Variants in PCDH15 observed in about 807,000 individuals in gnomAD.
PCDH15 encodes the protein protocadherin related 15.
PCDH15 carries 129 observed loss-of-function variants against 178.5 expected under a neutral mutation model. The ratio of observed to expected loss-of-function variants is 0.72; its 90% CI spans 0.63 to 0.84. The LOEUF (loss-of-function observed/expected upper bound fraction) is 0.84. Ranked by LOEUF, PCDH15 falls within the 40% of genes least tolerant of loss-of-function variation. The pLI, the probability that PCDH15 is intolerant of heterozygous loss-of-function variation, is 0.00. For missense variants in PCDH15, 2,230 were observed against 2,099.9 expected, an observed-to-expected ratio of 1.06 and a Z score of -1.21; for synonymous variants, 800 against 732.0, an observed-to-expected ratio of 1.09 and a Z score of -1.50.
intron 2 of PCDH15, among the ~76,000 whole-genome samples, chr10:55,407,300 A>G (rs1838222546): frequency 6.6e-6 from 1 of 152,164 alleles, no homozygotes; most frequent in Non-Finnish European, 1.5e-5. Flanking sequence ...ATGATGTACA[A>G]GAAAAAGAGT....
chr10:53,824,579 A>T (rs2076545923), intron 32 of PCDH15, among the ~76,000 whole-genome samples: 1 of 152,186 alleles, frequency 6.6e-6, no homozygotes, highest in Non-Finnish European at 1.5e-5. Context: ...CTGGAGCATC[A>T]AGCCTACTTG....
chr10:54,395,220 C>A (rs367732235), intron 3 of PCDH15, among the ~76,000 whole-genome samples: 2 of 152,134 alleles, frequency 1.3e-5, no homozygotes, highest in African/African-American at 4.8e-5. Context: ...TTAGAGACTG[C>A]AGTAAAGACA....
intron 18 of PCDH15, among the ~76,000 whole-genome samples, chr10:54,053,533 T>C (rs892544962): frequency 1.3e-5 from 2 of 152,138 alleles, no homozygotes; most frequent in Non-Finnish European, 2.9e-5. Context: ...ACACCGAGGG[T>C]ATAGGAAAGT....
chr10:54,836,004 G>A (rs117691863), intron 3 of PCDH15, among the ~76,000 whole-genome samples: 451 of 152,156 alleles, frequency 3.0e-3, no homozygotes, highest in Non-Finnish European at 4.9e-3. Context: ...ATTGTCATAC[G>A]TTTTAAAGAA....
chr10:55,622,105 TTA>T (rs1419437966), intron 2 of PCDH15, among the ~76,000 whole-genome samples: 1 of 66,002 alleles, frequency 1.5e-5, no homozygotes, highest in African/African-American at 5.7e-5. Flanking sequence ...TGTATATATA[TTA>T]TATATATCTA....
chr10:55,440,778 G>A (rs948643247), intron 2 of PCDH15, among the ~76,000 whole-genome samples: 1 of 152,084 alleles, frequency 6.6e-6, no homozygotes, highest in Admixed American at 6.6e-5. Flanking sequence ...AATTTATAAA[G>A]AAAAAGTGGT....
chr10:55,531,936 T>C (rs572075745), intron 2 of PCDH15, among the ~76,000 whole-genome samples: 6 of 152,004 alleles, frequency 3.9e-5, no homozygotes, highest in Non-Finnish European at 8.8e-5. Flanking sequence ...AAAGCAGAAG[T>C]AGCAGAAAAA....
At chr10:55,417,546 C>A (rs188749861) in intron 2 of PCDH15, among the ~76,000 whole-genome samples, 68 of 151,440 alleles carry the variant, frequency 4.5e-4, no homozygotes, top group African/African-American at 1.5e-3. Flanking sequence ...AAGAAAAAAT[C>A]TTTTATTTTA....
In PCDH15 at chr10:55,456,691, C is replaced by A. The variant is rs114724755; in HGVS notation, c.-156+170934G>T. Among the ~76,000 whole-genome samples the A allele has an allele frequency of 4.7e-3, 717 of 151,816 alleles. 7 individuals are homozygous for A. The highest frequency in any genetic ancestry group is 0.016 in the African/African-American group (681 of 41,446). ...ACCTAAAACTTTTATTGGATAAGGA[C>A]TGAATTATGTAAGAATCATAAATTT... On this transcript the variant is annotated intron_variant, in intron 2 of 5. Transcript: ENST00000613346.
chr10:53,814,731 C>T (rs1259394147), intron 35 of PCDH15, among the ~76,000 whole-genome samples: 2 of 151,894 alleles, frequency 1.3e-5, no homozygotes, highest in African/African-American at 4.8e-5. Flanking sequence ...TTTGGGAGGC[C>T]GAGGTGGGCG....
At chr10:53,895,544 C>A in intron 26 of PCDH15, among the ~76,000 whole-genome samples, 1 of 152,238 alleles carries the variant, frequency 6.6e-6, no homozygotes, top group South Asian at 2.1e-4. Context: ...ATATGTGCAA[C>A]TTGTAAAGAA....
intron 8 of PCDH15, among the ~76,000 whole-genome samples, chr10:54,301,080 C>T (rs2060123462): frequency 6.6e-6 from 1 of 151,840 alleles, no homozygotes; most frequent in South Asian, 2.1e-4. Flanking sequence ...GAAGAAACTG[C>T]AGACACATCT....
intron 11 of PCDH15, among the ~76,000 whole-genome samples, chr10:54,190,042 T>G (rs1390681933): frequency 6.6e-6 from 1 of 151,982 alleles, no homozygotes; most frequent in Non-Finnish European, 1.5e-5. Flanking sequence ...TCAGTATTAC[T>G]GTGGCCCTTG....
At chr10:54,129,225 C>A (rs2042226681) in intron 15 of PCDH15, among the ~76,000 whole-genome samples, 1 of 151,640 alleles carries the variant, frequency 6.6e-6, no homozygotes, top group Admixed American at 6.6e-5. Context: ...GTTAACGCAG[C>A]TGACATTCAG....
intron 1 of PCDH15, among the ~76,000 whole-genome samples, chr10:54,784,010 G>A (rs894539921): frequency 1.4e-5 from 2 of 146,462 alleles, no homozygotes; most frequent in Non-Finnish European, 3.0e-5. Context: ...TTTTTCACAC[G>A]GCGGCAGGAA....
chr10:54,375,898 A>ATAAAAT (rs1554938299), intron 4 of PCDH15, among the ~76,000 whole-genome samples: 1 of 139,570 alleles, frequency 7.2e-6, no homozygotes, highest in South Asian at 2.2e-4. Context: ...TATATATATA[A>ATAAAAT]TTTTTTTTCT....
chr10:54,466,237 C>A (rs2077509075), intron 3 of PCDH15, among the ~76,000 whole-genome samples: 1 of 151,840 alleles, frequency 6.6e-6, no homozygotes, highest in Non-Finnish European at 1.5e-5. Flanking sequence ...TAGGTCTCAG[C>A]CATAAAATCT....
At chr10:54,052,894 C>T (rs1204779700) in intron 18 of PCDH15, among the ~76,000 whole-genome samples, 1 of 152,116 alleles carries the variant, frequency 6.6e-6, no homozygotes, top group Non-Finnish European at 1.5e-5. Context: ...ACTACGTTTT[C>T]ACAAGATTGA....
intron 17 of PCDH15, among the ~76,000 whole-genome samples, chr10:54,071,459 T>G (rs1302532575): frequency 2.0e-5 from 3 of 152,144 alleles, no homozygotes; most frequent in Non-Finnish European, 4.4e-5. Flanking sequence ...GTTTTTTATT[T>G]AATCACAAAA....
Sources: allele counts gnomAD v4.1 joint callset (sites outside exome capture counted in the v4.1 genomes callset), GRCh38; gene constraint gnomAD v4.1.1; transcripts MANE v1.5; gene names NCBI Gene and HGNC (gene_info 2026-07-23, HGNC 2026-07-21).